Variants in OPA1 observed in about 807,000 individuals in gnomAD.
OPA1 encodes the protein OPA1 mitochondrial dynamin like GTPase, also known as dynamin-like GTPase OPA1, mitochondrial.
OPA1 carries 59 observed loss-of-function variants against 152.9 expected under a neutral mutation model. That is an observed-to-expected ratio of 0.39 (90% confidence interval 0.31 to 0.48). The LOEUF (loss-of-function observed/expected upper bound fraction) is 0.48. Among genes scored for constraint, OPA1 ranks in the 20% least tolerant of loss-of-function variants. The pLI, the probability that OPA1 is intolerant of heterozygous loss-of-function variation, is 0.96. For synonymous variants in OPA1, 400 were observed against 389.9 expected, an observed-to-expected ratio of 1.03 and a Z score of -0.31; for missense variants, 1,008 against 1,216.8, an observed-to-expected ratio of 0.83 and a Z score of 2.55.
chr3:193,673,231 C>G (rs888727938), intron 29 of OPA1, among the ~76,000 whole-genome samples: 2 of 152,048 alleles, frequency 1.3e-5, no homozygotes, highest in East Asian at 1.9e-4. Context: ...TAAAATTGTC[C>G]TTTATATTGA....
intron 23 of OPA1, among the ~76,000 whole-genome samples, chr3:193,657,865 A>G (rs1353760703): frequency 6.6e-6 from 1 of 152,186 alleles, no homozygotes; most frequent in Non-Finnish European, 1.5e-5. Flanking sequence ...TCAGAGAGTT[A>G]CTAGAGGTGT....
intron 11 of OPA1, among the ~76,000 whole-genome samples, chr3:193,640,806 A>G (rs1443296176): frequency 2.0e-5 from 3 of 152,212 alleles, no homozygotes; most frequent in African/African-American, 7.2e-5. Context: ...GAAATTACCA[A>G]GAATTATGGC....
rs1734084100 is a variant in OPA1 at position 193,643,456 on chromosome 3, C to T, written c.1377+12C>T. 6.2e-7 allele frequency: 1 copy of T among 1,607,538 alleles called. No individual in the cohort carries two copies. On this transcript the variant is annotated intron_variant, in intron 14 of 30. Transcript: ENST00000361510. ...CAGGTGTGATTAATGTAAGTATATA[C>T]AAAACATGTATTTTATTTTATTCTT...
chr3:193,646,989 C>T (rs1462289964), intron 18 of OPA1, 76 bp from the exon 19 acceptor site: 3 of 908,098 alleles, frequency 3.3e-6, no homozygotes, highest in African/African-American at 1.7e-5. Flanking sequence ...CAAGCACATT[C>T]GCAGACTTGG....
At chr3:193,645,189 G>A (rs1734355321) in intron 16 of OPA1, among the ~76,000 whole-genome samples, 1 of 152,092 alleles carries the variant, frequency 6.6e-6, no homozygotes, top group African/African-American at 2.4e-5. Context: ...AGTGCTTCAT[G>A]CCTGGCACTG....
chr3:193,631,674 G>C lies in OPA1; in HGVS notation c.843+9G>C, dbSNP rs749610747. ...AACTTCTGCACACTCAGGTAATCAT[G>C]ATGACTAAGAAAAACTAGGGACTTT... On this transcript the variant is annotated intron_variant, in intron 8 of 30. Transcript: ENST00000361510. 1 of 1,606,794 alleles carries C rather than the reference G, an allele frequency of 6.2e-7. No homozygotes were observed. The highest frequency in any genetic ancestry group is 8.5e-7 in the Non-Finnish European group (1 of 1,174,140).
chr3:193,678,558 C>A (rs1326262429), intron 29 of OPA1, among the ~76,000 whole-genome samples: 2 of 152,116 alleles, frequency 1.3e-5, no homozygotes, highest in African/African-American at 4.8e-5. Context: ...TTTTAATTTC[C>A]CATCGCTCAG....
chr3:193,602,734 A>G (rs1726651939), intron 1 of OPA1, among the ~76,000 whole-genome samples: 1 of 152,234 alleles, frequency 6.6e-6, no homozygotes, highest in Non-Finnish European at 1.5e-5. Context: ...GGTAATAAGG[A>G]CAATGGTAAT....
At chr3:193,671,374 C>G (rs1432666367) in intron 29 of OPA1, among the ~76,000 whole-genome samples, 1 of 151,920 alleles carries the variant, frequency 6.6e-6, no homozygotes, top group Non-Finnish European at 1.5e-5. Flanking sequence ...AGAGCACAGT[C>G]TGCAAAATAA....
chr3:193,607,822 A>T (rs897933989), intron 1 of OPA1, among the ~76,000 whole-genome samples: 3 of 152,072 alleles, frequency 2.0e-5, no homozygotes, highest in African/African-American at 7.2e-5. Flanking sequence ...CTTGATGGGG[A>T]TGGCATTGAA....
chr3:193,629,486 C>G lies in OPA1; in HGVS notation c.790-2126C>G, dbSNP rs532965212. ...GGCTGAGGTGGGCAGATCACGAGGT[C>G]AGGAGATCGAGACCATCCTGGCTAA... On this transcript the variant is annotated intron_variant, in intron 7 of 30. Coordinates refer to ENST00000361510, the MANE Select transcript of OPA1 (RefSeq NM_130837.3). 4.6e-5 allele frequency among the ~76,000 whole-genome samples: 7 copies of G among 151,850 alleles called. No homozygotes were observed. In the East Asian group the frequency reaches 9.9e-4, roughly 21 times the overall value.
intron 8 of OPA1, chr3:193,631,918 G>A: frequency 1.8e-6 from 1 of 566,430 alleles, no homozygotes; most frequent in Admixed American, 3.3e-5. Context: ...GGGAGAAAGT[G>A]GCTTGTCCTT....
At chr3:193,637,835 T>G (rs1733180680) in intron 10 of OPA1, 117 bp from the exon 11 acceptor site, 2 of 840,170 alleles carry the variant, frequency 2.4e-6, no homozygotes, top group African/African-American at 1.7e-5. Flanking sequence ...TTTAAAATAT[T>G]TTTTCACCTG....
intron 1 of OPA1, among the ~76,000 whole-genome samples, chr3:193,612,826 A>G (rs889135980): frequency 2.0e-5 from 3 of 152,236 alleles, no homozygotes; most frequent in Non-Finnish European, 4.4e-5. Flanking sequence ...GTTAATTATC[A>G]AATCCAATTT....
chr3:193,652,614 C>T (rs1712788816), intron 21 of OPA1, among the ~76,000 whole-genome samples: 1 of 152,138 alleles, frequency 6.6e-6, no homozygotes, highest in Non-Finnish European at 1.5e-5. Context: ...AGCTTCATCT[C>T]AGCAGAATTT....
At chr3:193,638,096 C>T (rs1280206499) in intron 11 of OPA1, 31 bp downstream of exon 11, 1 of 1,495,214 alleles carries the variant, frequency 6.7e-7, no homozygotes, top group South Asian at 1.1e-5. Context: ...AGTGAGGTTC[C>T]TTAGGAGAGT....
intron 29 of OPA1, chr3:193,668,509 A>G: frequency 2.6e-6 from 4 of 1,549,056 alleles, no homozygotes; most frequent in Non-Finnish European, 2.6e-6. Flanking sequence ...CATCCTTCCC[A>G]CCCGCTAGCC....
intron 25 of OPA1, 23 bp downstream of exon 25, chr3:193,659,584 T>C (rs1714735672): frequency 6.3e-7 from 1 of 1,577,944 alleles, no homozygotes. Flanking sequence ...AAGTCTCTAG[T>C]CTTATGATGA....
At chr3:193,636,964 A>G (rs896864497) in intron 9 of OPA1, among the ~76,000 whole-genome samples, 5 of 152,206 alleles carry the variant, frequency 3.3e-5, no homozygotes, top group African/African-American at 1.2e-4. Flanking sequence ...GAAATCCTGA[A>G]TTAATTTACT....
Sources: gnomAD v4.1 joint callset for allele counts (sites outside exome capture counted in the v4.1 genomes callset) on GRCh38, gnomAD v4.1.1 for gene constraint, MANE v1.5 for transcripts, NCBI Gene and HGNC (gene_info 2026-07-23, HGNC 2026-07-21) for gene names.